The following CCDC3 variants were observed in gnomAD, a reference collection of about 807,000 sequenced individuals.
CCDC3 encodes the protein coiled-coil domain containing 3, also known as coiled-coil domain-containing protein 3.
CCDC3 carries 24 observed loss-of-function variants against 21.4 expected under a neutral mutation model. The observed-to-expected ratio is 1.12, with a 90% CI of 0.81 to 1.58. CCDC3 has a LOEUF of 1.58. Ranked by LOEUF, CCDC3 falls within the 40% of genes most tolerant of loss-of-function variation. The pLI is 0.00. For missense variants in CCDC3, 425 were observed against 360.9 expected, an observed-to-expected ratio of 1.18 and a Z score of -1.44; for synonymous variants, 186 against 166.0, an observed-to-expected ratio of 1.12 and a Z score of -0.93.
At chr10:12,984,985 G>C (rs1014121550) in intron 2 of CCDC3, among the ~76,000 whole-genome samples, 3 of 152,156 alleles carry the variant, frequency 2.0e-5, no homozygotes, top group African/African-American at 7.2e-5. Flanking sequence ...AGTGGTGACG[G>C]TTACACATAT....
intron 2 of CCDC3, among the ~76,000 whole-genome samples, chr10:12,933,076 AT>A (rs1331973311): frequency 1.3e-5 from 2 of 151,786 alleles, no homozygotes; most frequent in East Asian, 1.9e-4. Context: ...CATCATGTTG[AT>A]TTTTTTTCAT....
intron 5 of CCDC3, among the ~76,000 whole-genome samples, chr10:13,037,793 G>T (rs1836396655): frequency 6.6e-6 from 1 of 152,134 alleles, no homozygotes; most frequent in Non-Finnish European, 1.5e-5. Context: ...AACATAGTGA[G>T]ATCCCATCTC....
intron 5 of CCDC3, among the ~76,000 whole-genome samples, chr10:13,037,194 A>T (rs1836388739): frequency 6.6e-6 from 1 of 152,224 alleles, no homozygotes; most frequent in Admixed American, 6.5e-5. Flanking sequence ...AAAATAGCGT[A>T]CAAGCCCTCA....
chr10:13,078,882 G>A (rs181371533), intron 3 of CCDC3, among the ~76,000 whole-genome samples: 169 of 151,904 alleles, frequency 1.1e-3, no homozygotes, highest in African/African-American at 3.9e-3. Context: ...AGGTGGGGAG[G>A]GATAGCATTA....
chr10:13,047,690 C>A (rs750859698), intron 5 of CCDC3, among the ~76,000 whole-genome samples: 1 of 152,106 alleles, frequency 6.6e-6, no homozygotes, highest in Non-Finnish European at 1.5e-5. Flanking sequence ...GATCTCCATC[C>A]GTGCCCTCCC....
chr10:12,931,824 T>C (rs372372667), intron 2 of CCDC3, among the ~76,000 whole-genome samples: 4 of 152,210 alleles, frequency 2.6e-5, no homozygotes, highest in African/African-American at 9.6e-5. Context: ...GTGTGTTTCT[T>C]CCATGCAGGG....
At chr10:13,058,413 T>C in intron 4 of CCDC3, 1 of 817,068 alleles carries the variant, frequency 1.2e-6, no homozygotes, top group African/African-American at 1.7e-5. Flanking sequence ...AGGCCAACCT[T>C]CACACCGTAT....
intron 5 of CCDC3, among the ~76,000 whole-genome samples, chr10:13,030,162 C>G (rs4428964): frequency 0.27 from 40,692 of 152,118 alleles, 6,458 homozygotes; most frequent in Non-Finnish European, 0.36. Flanking sequence ...ACTCTACAAG[C>G]CAGAAGAGAG....
At chr10:12,998,804 A>G (rs1037514339) in intron 1 of CCDC3, among the ~76,000 whole-genome samples, 25 of 152,190 alleles carry the variant, frequency 1.6e-4, no homozygotes, top group South Asian at 8.3e-4. Flanking sequence ...CTTCCTTCTC[A>G]AAGAGTGTTC....
rs140402525 is a variant in CCDC3 at position 12,913,817 on chromosome 10, T to C, written c.550-15138A>G. 6.1e-3 allele frequency among the ~76,000 whole-genome samples: 924 copies of C among 152,308 alleles called. 6 individuals are homozygous for C. Among genetic ancestry groups the C allele is most frequent in the African/African-American group, 0.021 (889 of 41,566 alleles). On this transcript the variant is annotated intron_variant, in intron 2 of 2. Transcript: ENST00000378825. ...AAGGAAGTTGAATTTTGTCCAATGG[T>C]TTTTCTGCATCTATTGAAATAATCA...
At chr10:13,070,021 G>A (rs190175575) in intron 4 of CCDC3, among the ~76,000 whole-genome samples, 12 of 152,238 alleles carry the variant, frequency 7.9e-5, no homozygotes, top group Middle Eastern at 3.4e-3. Flanking sequence ...AAACATACAG[G>A]ACTCATGAAA....
chr10:13,054,704 G>A (rs2131427845), intron 4 of CCDC3, among the ~76,000 whole-genome samples: 1 of 152,184 alleles, frequency 6.6e-6, no homozygotes, highest in South Asian at 2.1e-4. Context: ...TTTCCCTCTT[G>A]TTGCCCAGGC....
chr10:12,942,975 T>TA (rs1367272015), intron 2 of CCDC3, among the ~76,000 whole-genome samples: 12 of 152,188 alleles, frequency 7.9e-5, no homozygotes, highest in African/African-American at 2.9e-4. Context: ...GCCTAAATTT[T>TA]AAAATGAAAC....
At chr10:12,919,156 G>T (rs528598319) in intron 2 of CCDC3, among the ~76,000 whole-genome samples, 1 of 152,180 alleles carries the variant, frequency 6.6e-6, no homozygotes, top group Non-Finnish European at 1.5e-5. Context: ...TTTTTTAAGG[G>T]TCTATGTATT....
intron 5 of CCDC3, among the ~76,000 whole-genome samples, chr10:13,047,890 G>T (rs143571167): frequency 4.9e-4 from 74 of 152,302 alleles, no homozygotes; most frequent in African/African-American, 1.7e-3. Flanking sequence ...CCCAGAAACA[G>T]TCTGTGGTCT....
At chr10:13,047,994 C>T (rs878905467) in intron 5 of CCDC3, among the ~76,000 whole-genome samples, 1 of 152,076 alleles carries the variant, frequency 6.6e-6, no homozygotes, top group African/African-American at 2.4e-5. Flanking sequence ...TGAATCCACA[C>T]GTTGCAAGAG....
intron 2 of CCDC3, among the ~76,000 whole-genome samples, chr10:12,959,174 CT>C (rs34149625): frequency 6.7e-6 from 1 of 148,200 alleles, no homozygotes; most frequent in Non-Finnish European, 1.5e-5. Flanking sequence ...AAGCTACAAT[CT>C]TTTTTTTTTT....
At chr10:13,082,858 A>T (rs931090311) in intron 3 of CCDC3, among the ~76,000 whole-genome samples, 1 of 152,228 alleles carries the variant, frequency 6.6e-6, no homozygotes, top group African/African-American at 2.4e-5. Context: ...TAACAGTGGA[A>T]TAAAGAGTAA....
rs56844630 is a variant in CCDC3 at position 12,936,164 on chromosome 10, C to T, written c.550-37485G>A. On this transcript the variant is annotated intron_variant, in intron 2 of 2. Coordinates refer to ENST00000378825, the MANE Select transcript of CCDC3 (RefSeq NM_031455.4). ...CTTGCAATGCAGGTTTACGGTCCGACGGTAATCTCAGTTTTTGTTTATTTC... is the reference window on the plus strand; with the variant it reads ...CTTGCAATGCAGGTTTACGGTCCGATGGTAATCTCAGTTTTTGTTTATTTC... Among the ~76,000 whole-genome samples, 915 of 152,242 alleles carry T rather than the reference C, an allele frequency of 6.0e-3. 8 individuals carry two copies. Among genetic ancestry groups the T allele is most frequent in the African/African-American group, 0.021 (862 of 41,534 alleles).
Sources: gnomAD v4.1 joint callset for allele counts (sites outside exome capture counted in the v4.1 genomes callset) on GRCh38, gnomAD v4.1.1 for gene constraint, MANE v1.5 for transcripts, NCBI Gene and HGNC (gene_info 2026-07-23, HGNC 2026-07-21) for gene names.